The following ADAMTSL3 variants were observed in gnomAD, a reference collection of about 807,000 sequenced individuals.
The protein encoded by ADAMTSL3 is ADAMTS-like protein 3.
A neutral mutation model predicts 201.7 loss-of-function variants in ADAMTSL3; 128 were observed. The observed-to-expected ratio is 0.63, with a 90% CI of 0.55 to 0.73. ADAMTSL3 has a LOEUF of 0.73. Ranked by LOEUF, ADAMTSL3 falls within the 30% of genes least tolerant of loss-of-function variation. ADAMTSL3 has a pLI of 0.00. For synonymous variants in ADAMTSL3, 738 were observed against 748.4 expected, an observed-to-expected ratio of 0.99 and a Z score of 0.23; for missense variants, 1,990 against 2,119.6, an observed-to-expected ratio of 0.94 and a Z score of 1.20.
intron 6 of ADAMTSL3, among the ~76,000 whole-genome samples, chr15:83,823,096 T>G (rs1461005609): frequency 6.6e-6 from 1 of 151,068 alleles, no homozygotes; most frequent in East Asian, 2.0e-4. Flanking sequence ...CTCGGCAGGC[T>G]GAGGCAGGAG....
intron 4 of ADAMTSL3, among the ~76,000 whole-genome samples, chr15:83,798,899 C>A (rs1194813720): frequency 1.3e-5 from 2 of 150,388 alleles, no homozygotes; most frequent in Non-Finnish European, 3.0e-5. Flanking sequence ...GTAGCAGGTT[C>A]TTTAATAAGA....
At chr15:83,769,493 C>A (rs1295453469) in intron 3 of ADAMTSL3, among the ~76,000 whole-genome samples, 1 of 152,150 alleles carries the variant, frequency 6.6e-6, no homozygotes, top group African/African-American at 2.4e-5. Flanking sequence ...GAACAGTGGT[C>A]TAATTAGAAC....
intron 7 of ADAMTSL3, among the ~76,000 whole-genome samples, chr15:83,842,098 A>G (rs1027705505): frequency 6.6e-6 from 1 of 150,636 alleles, no homozygotes; most frequent in African/African-American, 2.4e-5. Flanking sequence ...TACCTCTACC[A>G]TTCAATAAAA....
In ADAMTSL3 at chr15:83,898,022, C is replaced by T; in HGVS notation, c.1615+17C>T. The T allele has an allele frequency of 1.3e-6, 2 of 1,596,090 alleles. No homozygotes were observed. The highest frequency in any genetic ancestry group is 1.7e-6 in the Non-Finnish European group (2 of 1,168,466). ...AACCAAAAGGTAAGTCTGTGGTGCACTGTAAATTCAAATCAAATGGTATTT... is the reference window on the plus strand; with the variant it reads ...AACCAAAAGGTAAGTCTGTGGTGCATTGTAAATTCAAATCAAATGGTATTT... On this transcript the variant is annotated intron_variant, in intron 14 of 29. Transcript: ENST00000286744.
intron 2 of ADAMTSL3, among the ~76,000 whole-genome samples, chr15:83,700,481 T>A (rs2061757082): frequency 6.6e-6 from 1 of 152,196 alleles, no homozygotes; most frequent in Non-Finnish European, 1.5e-5. Context: ...ATGATGATTC[T>A]GGCTGGGCGC....
intron 25 of ADAMTSL3, among the ~76,000 whole-genome samples, chr15:84,018,497 G>A (rs557842758): frequency 6.6e-6 from 1 of 152,302 alleles, no homozygotes; most frequent in African/African-American, 2.4e-5. Context: ...GTGATAGGAG[G>A]AAGCCACTTT....
chr15:83,771,367 T>C lies in ADAMTSL3; in HGVS notation c.190-2156T>C, dbSNP rs537027885. On this transcript the variant is annotated intron_variant, in intron 3 of 29. Coordinates refer to ENST00000286744, the MANE Select transcript of ADAMTSL3 (RefSeq NM_207517.3). ...ACAGTATTGGTAATTATAAGTACAA[T>C]GTTGAAAAGCAGATCTCTAGAACTT... Among the ~76,000 whole-genome samples, 12 of 152,288 alleles carry C rather than the reference T, an allele frequency of 7.9e-5. No individual in the cohort carries two copies. The South Asian group carries it at 2.5e-3, about 32-fold the overall frequency.
intron 7 of ADAMTSL3, among the ~76,000 whole-genome samples, chr15:83,852,075 C>T (rs1157347350): frequency 6.6e-6 from 1 of 152,002 alleles, no homozygotes; most frequent in Non-Finnish European, 1.5e-5. Flanking sequence ...TCTTTTTATT[C>T]ACTGAGGTTT....
At chr15:83,864,343 A>T (rs150818705) in intron 8 of ADAMTSL3, among the ~76,000 whole-genome samples, 5,389 of 152,322 alleles carry the variant, frequency 0.035, 304 homozygotes, top group African/African-American at 0.12. Flanking sequence ...TCCCTGATGA[A>T]CATCAATGCA....
At chr15:83,677,100 T>A (rs892644493) in intron 2 of ADAMTSL3, among the ~76,000 whole-genome samples, 10 of 152,258 alleles carry the variant, frequency 6.6e-5, no homozygotes, top group African/African-American at 2.4e-4. Flanking sequence ...TTTCTGTTAC[T>A]GATTTCTAGT....
chr15:83,804,629 C>G, intron 4 of ADAMTSL3, 21 bp from the exon 5 acceptor site: 2 of 1,093,218 alleles, frequency 1.8e-6, no homozygotes, highest in Non-Finnish European at 1.2e-6. Flanking sequence ...TTTCTTCTTT[C>G]TTCTTTCTTT....
Position 83,991,978 on chromosome 15 carries a change from T to C in ADAMTSL3, c.3973+764T>C, listed in dbSNP as rs138317635. The stretch of plus-strand genomic sequence containing the variant: ...GTGAGGGGGTTTTGTGAATAGCGTT[T>C]TATTGCTTCCTTAGAGAAACTTATG... On this transcript the variant is annotated intron_variant, in intron 23 of 29. Coordinates refer to ENST00000286744, the MANE Select transcript of ADAMTSL3 (RefSeq NM_207517.3). 2.2e-3 allele frequency among the ~76,000 whole-genome samples: 337 copies of C among 152,284 alleles called. 4 individuals carry two copies. Among genetic ancestry groups the C allele is most frequent in the African/African-American group, 7.8e-3 (324 of 41,560 alleles).
At chr15:83,704,594 T>C in intron 3 of ADAMTSL3, 86 bp downstream of exon 3, 1 of 1,539,332 alleles carries the variant, frequency 6.5e-7, no homozygotes, top group South Asian at 1.2e-5. Context: ...TCAAAGTAAT[T>C]ATATTTTCCT....
chr15:84,023,591 G>T (rs147652995), intron 26 of ADAMTSL3, among the ~76,000 whole-genome samples: 51 of 152,326 alleles, frequency 3.3e-4, no homozygotes, highest in African/African-American at 1.2e-3. Flanking sequence ...GCAAACTCAT[G>T]CTTCAGTAAC....
At chr15:83,700,859 T>C (rs923155513) in intron 2 of ADAMTSL3, among the ~76,000 whole-genome samples, 2 of 152,224 alleles carry the variant, frequency 1.3e-5, no homozygotes. Flanking sequence ...TGAAATTTAA[T>C]AAGAAAGTCT....
chr15:83,763,831 G>A (rs1320244527), intron 3 of ADAMTSL3, among the ~76,000 whole-genome samples: 3 of 152,186 alleles, frequency 2.0e-5, no homozygotes, highest in Non-Finnish European at 2.9e-5. Flanking sequence ...TTAGGGGCTC[G>A]TTTGGCAGAA....
intron 23 of ADAMTSL3, among the ~76,000 whole-genome samples, chr15:84,009,239 C>T (rs912743519): frequency 1.3e-5 from 2 of 152,236 alleles, no homozygotes; most frequent in Non-Finnish European, 2.9e-5. Context: ...TGCCACTTCT[C>T]TGACCTTGTC....
In ADAMTSL3 at chr15:83,983,013, G is replaced by A. The variant is rs1201643411; in HGVS notation, c.3385G>A (p.Ala1129Thr). 1.4e-5 allele frequency: 23 copies of A among 1,614,018 alleles called. No individual in the cohort carries two copies. Among genetic ancestry groups the A allele is most frequent in the Non-Finnish European group, 1.7e-5 (20 of 1,180,030 alleles). ...GATATATCAGCTGGTGGCCGAATTA[G>A]CCAAGGCACAGCCAACACACATGCA... ...QLIYQLVAEL[A>T]KAQPTHMQWR... The change falls in exon 21 of 30, where the codon GCC (alanine) becomes ACC (threonine). Residue 1129 changes from alanine (A) to threonine (T), a missense_variant. By Grantham distance (58) the Ala-to-Thr change is moderately conservative. Transcript: ENST00000286744.
intron 3 of ADAMTSL3, among the ~76,000 whole-genome samples, chr15:83,733,078 C>A (rs922523748): frequency 6.6e-6 from 1 of 152,112 alleles, no homozygotes; most frequent in South Asian, 2.1e-4. Context: ...CCATTTTCTG[C>A]GTTTCATTAA....
Sources: gnomAD v4.1 joint callset for allele counts (sites outside exome capture counted in the v4.1 genomes callset) on GRCh38, gnomAD v4.1.1 for gene constraint, MANE v1.5 for transcripts, NCBI Gene and HGNC (gene_info 2026-07-23, HGNC 2026-07-21) for gene names.